Variants in METTL15 observed in about 807,000 individuals in gnomAD.
METTL15 encodes 12S rRNA N(4)-cytidine methyltransferase METTL15.
A neutral mutation model predicts 38.3 loss-of-function variants in METTL15; 34 were observed. That is an observed-to-expected ratio of 0.89 (90% CI 0.68 to 1.18). The LOEUF (loss-of-function observed/expected upper bound fraction) is 1.18. METTL15 is among the 50% of genes most tolerant of loss of function. METTL15 has a pLI of 0.00. For missense variants in METTL15, 438 were observed against 498.4 expected (o/e 0.88, Z 1.15); for synonymous variants, 162 against 170.9 (o/e 0.95, Z 0.41).
intron 5 of METTL15, among the ~76,000 whole-genome samples, chr11:28,409,408 A>G (rs561191067): frequency 1.6e-4 from 23 of 146,302 alleles, no homozygotes; most frequent in Non-Finnish European, 3.2e-4. Flanking sequence ...AAAAAAAAGG[A>G]ATATTTATAT....
chr11:28,156,650 T>G (rs1404525987), intron 3 of METTL15, among the ~76,000 whole-genome samples: 1 of 152,176 alleles, frequency 6.6e-6, no homozygotes, highest in Non-Finnish European at 1.5e-5. Flanking sequence ...ACCAAACATG[T>G]GTACAAGGTT....
intron 3 of METTL15, among the ~76,000 whole-genome samples, chr11:28,345,009 A>G (rs1849984467): frequency 6.6e-6 from 1 of 152,186 alleles, no homozygotes; most frequent in Non-Finnish European, 1.5e-5. Context: ...TTCAATATCC[A>G]GTGTTTATTT....
intron 5 of METTL15, among the ~76,000 whole-genome samples, chr11:28,385,379 C>T (rs559539150): frequency 1.8e-4 from 27 of 152,244 alleles, no homozygotes; most frequent in African/African-American, 4.8e-4. Flanking sequence ...GTTATCCCAG[C>T]ACAATTTGTT....
At chr11:28,268,128 C>T (rs1426995281) in intron 4 of METTL15, among the ~76,000 whole-genome samples, 4 of 121,976 alleles carry the variant, frequency 3.3e-5, no homozygotes, top group Admixed American at 1.1e-4. Flanking sequence ...ACCCGAGAGG[C>T]GGAGCTTGCA....
chr11:28,346,311 A>T (rs1282946760), intron 3 of METTL15, among the ~76,000 whole-genome samples: 3 of 152,222 alleles, frequency 2.0e-5, no homozygotes, highest in Non-Finnish European at 4.4e-5. Context: ...CTTGGAGTTA[A>T]AAATGTTCCC....
chr11:28,147,417 T>C (rs1386420735), intron 3 of METTL15, among the ~76,000 whole-genome samples: 2 of 151,868 alleles, frequency 1.3e-5, no homozygotes, highest in African/African-American at 4.8e-5. Context: ...GAAATGTTTC[T>C]TTTGAAGTTA....
At chr11:28,130,786 A>C (rs1248344193) in intron 3 of METTL15, among the ~76,000 whole-genome samples, 1 of 152,234 alleles carries the variant, frequency 6.6e-6, no homozygotes, top group East Asian at 1.9e-4. Flanking sequence ...TTTCTGAAGT[A>C]GAGAGCTATT....
intron 3 of METTL15, among the ~76,000 whole-genome samples, chr11:28,132,071 A>G (rs1388017098): frequency 2.0e-5 from 3 of 152,218 alleles, no homozygotes; most frequent in Non-Finnish European, 4.4e-5. Context: ...TTCCTGAAGT[A>G]TGCATACCTT....
At chr11:28,529,305 C>T (rs1236757929), downstream of METTL15, among the ~76,000 whole-genome samples, 1 of 151,938 alleles carries the variant, frequency 6.6e-6, no homozygotes, top group Non-Finnish European at 1.5e-5. Context: ...GTGTCAAGTT[C>T]CAAGAGAAGG....
chr11:28,140,803 A>T (rs1849672204), intron 3 of METTL15, among the ~76,000 whole-genome samples: 1 of 152,198 alleles, frequency 6.6e-6, no homozygotes, highest in African/African-American at 2.4e-5. Context: ...TACTTGTATA[A>T]GGTGTGAATT....
intron 5 of METTL15, among the ~76,000 whole-genome samples, chr11:28,389,629 C>A (rs927725139): frequency 6.6e-6 from 1 of 152,090 alleles, no homozygotes; most frequent in Admixed American, 6.6e-5. Context: ...TCCAGTCTAT[C>A]ATTGTTGGGC....
chr11:28,297,023 G>C, intron 6 of METTL15, 92 bp downstream of exon 6: 1 of 1,295,916 alleles, frequency 7.7e-7, no homozygotes, highest in South Asian at 1.3e-5. Flanking sequence ...GCACATGTGT[G>C]TGTGCATTAA....
chr11:28,316,067 A>C (rs993623758), intron 6 of METTL15, among the ~76,000 whole-genome samples: 1 of 152,234 alleles, frequency 6.6e-6, no homozygotes, highest in African/African-American at 2.4e-5. Flanking sequence ...CACTTAGTTC[A>C]GCTTTGAGAA....
At chr11:28,282,458 G>T (rs1377773456) in intron 4 of METTL15, among the ~76,000 whole-genome samples, 1 of 152,144 alleles carries the variant, frequency 6.6e-6, no homozygotes, top group Non-Finnish European at 1.5e-5. Flanking sequence ...AAAAGAGTAT[G>T]ATATATTGTT....
chr11:28,398,492 G>C (rs762675672), intron 5 of METTL15, among the ~76,000 whole-genome samples: 7 of 152,034 alleles, frequency 4.6e-5, no homozygotes, highest in Non-Finnish European at 1.0e-4. Flanking sequence ...AGAAGTGTCT[G>C]TTCATATCCT....
At chr11:28,477,115 G>A (rs1318965541) in intron 6 of METTL15, among the ~76,000 whole-genome samples, 1 of 152,146 alleles carries the variant, frequency 6.6e-6, no homozygotes, top group Admixed American at 6.6e-5. Context: ...TGCTGTTGAG[G>A]TCTAGAGCTT....
chr11:28,261,185 A>G (rs1207231382), intron 4 of METTL15: 2 of 152,330 alleles, frequency 1.3e-5, no homozygotes, highest in African/African-American at 4.8e-5. Context: ...ACTATAGTAA[A>G]TCCCAATTAA....
intron 5 of METTL15, among the ~76,000 whole-genome samples, chr11:28,380,693 T>C (rs993041301): frequency 6.6e-6 from 1 of 152,184 alleles, no homozygotes; most frequent in Non-Finnish European, 1.5e-5. Context: ...AAGCATCTTA[T>C]TGATATAAAA....
chr11:28,219,276 G>A (rs907041972), intron 4 of METTL15, among the ~76,000 whole-genome samples: 23 of 152,060 alleles, frequency 1.5e-4, no homozygotes, highest in African/African-American at 5.6e-4. Flanking sequence ...CTTCTTCCTG[G>A]TTTAGTCTTG....
Sources: gnomAD v4.1 joint callset for allele counts (sites outside exome capture counted in the v4.1 genomes callset) on GRCh38, gnomAD v4.1.1 for gene constraint, MANE v1.5 for transcripts, NCBI Gene and HGNC (gene_info 2026-07-23, HGNC 2026-07-21) for gene names.